Variants in SEMA6A observed in about 807,000 individuals in gnomAD.
SEMA6A encodes the protein semaphorin 6A.
In SEMA6A, 25 loss-of-function variants were observed where a neutral mutation model predicts 96.8. The ratio of observed to expected loss-of-function variants is 0.26; its 90% CI spans 0.19 to 0.36. The LOEUF (loss-of-function observed/expected upper bound fraction) is 0.36, where lower values mean the gene tolerates loss of function less well. Among genes scored for constraint, SEMA6A ranks in the 10% least tolerant of loss-of-function variants. The probability of loss-of-function intolerance (pLI) is 1.00; values close to 1 mark genes in which losing one functional copy is unlikely to be tolerated. For synonymous variants in SEMA6A, 612 were observed against 518.0 expected (o/e 1.18, Z -2.46); for missense variants, 1,363 against 1,323.1 (o/e 1.03, Z -0.47).
At chr5:116,475,775 G>A (rs911756785) in intron 15 of SEMA6A, among the ~76,000 whole-genome samples, 172 bp from the exon 16 acceptor site, 1 of 152,176 alleles carries the variant, frequency 6.6e-6, no homozygotes, top group African/African-American at 2.4e-5. Flanking sequence ...ATAGAAACGA[G>A]TCTTAGGTGA....
intron 3 of SEMA6A, among the ~76,000 whole-genome samples, chr5:116,500,465 G>C (rs889238037): frequency 6.6e-6 from 1 of 152,162 alleles, no homozygotes; most frequent in Non-Finnish European, 1.5e-5. Context: ...AGCTATGTTT[G>C]TGAATTGTAT....
Position 116,574,804 on chromosome 5 carries a change from GT to G in SEMA6A, c.-659del, listed in dbSNP as rs1240804579. ...GCGGAGTTGGCTGCAGCCTCACCCC[GT>G]GCCGCTCACTACTCCTCTGTCACCG... On this transcript the variant is annotated 5_prime_UTR_variant, in exon 1 of 19. Coordinates refer to ENST00000343348, the MANE Select transcript of SEMA6A (RefSeq NM_020796.5). 6.6e-6 allele frequency: 1 copy of G among 152,392 alleles called. No individual in the cohort carries two copies. The highest frequency in any genetic ancestry group is 2.4e-5 in the African/African-American group (1 of 41,464). The allele number at this position is 152,392 out of a possible 1,614,324, so 9.4% of individuals were successfully genotyped here.
At chr5:116,507,640 T>TGCAG (rs1758209999) in intron 1 of SEMA6A, among the ~76,000 whole-genome samples, 1 of 152,248 alleles carries the variant, frequency 6.6e-6, no homozygotes, top group Non-Finnish European at 1.5e-5. Context: ...TGCAAACATT[T>TGCAG]GTCGATTTCC....
chr5:116,515,637 C>G (rs1758634581), intron 1 of SEMA6A, among the ~76,000 whole-genome samples: 1 of 152,122 alleles, frequency 6.6e-6, no homozygotes, highest in Non-Finnish European at 1.5e-5. Context: ...TAAAATAAAG[C>G]AATTGCTGAA....
At chr5:116,502,611 G>A (rs893689354) in intron 2 of SEMA6A, 8 of 338,342 alleles carry the variant, frequency 2.4e-5, no homozygotes, top group Middle Eastern at 8.2e-4. Flanking sequence ...GGCTCAACTC[G>A]CTAGTGAACC....
chr5:116,562,987 G>T (rs1004078750), intron 1 of SEMA6A: 11 of 566,330 alleles, frequency 1.9e-5, no homozygotes, highest in Non-Finnish European at 3.7e-5. Flanking sequence ...CCGCAGGAAG[G>T]GGGGTCGCCG....
intron 1 of SEMA6A, among the ~76,000 whole-genome samples, chr5:116,560,949 G>A (rs1459492922): frequency 2.0e-5 from 3 of 152,094 alleles, no homozygotes; most frequent in African/African-American, 7.2e-5. Flanking sequence ...TATGTAATAG[G>A]AAAAATGTGA....
chr5:116,446,894 TG>T lies in SEMA6A; in HGVS notation c.2811del (p.Asn937LysfsTer45). 1.2e-6 allele frequency: 2 copies of T among 1,613,898 alleles called. No homozygotes were observed. Among genetic ancestry groups the T allele is most frequent in the Non-Finnish European group, 1.7e-6 (2 of 1,179,868 alleles). On this transcript the variant is annotated frameshift_variant, in exon 19 of 19. Transcript: ENST00000343348. LOFTEE classifies it high-confidence loss of function. ...TGAGAGGAATTGGAGGAGTTAGTGT[TG>T]TTTCTTTTGAGAGTGGTGGCCTGGT... Reference protein sequence around the residue: ...RSHQATTLKRNNTNSSNSSHL... With the variant: ...RSHQATTLKRXNTNSSNSSHL...
intron 17 of SEMA6A, chr5:116,468,786 G>C (rs1755927649): frequency 6.6e-6 from 1 of 152,118 alleles, no homozygotes; most frequent in Non-Finnish European, 1.5e-5. Flanking sequence ...ATTTTTAAAA[G>C]ATACAAGGGC....
intron 18 of SEMA6A, chr5:116,449,993 T>C (rs1464989037): frequency 6.6e-6 from 1 of 152,234 alleles, no homozygotes; most frequent in Non-Finnish European, 1.5e-5. Context: ...TTCAAATATA[T>C]TTTAGTACCT....
At chr5:116,463,156 G>A (rs1466467898) in intron 18 of SEMA6A, among the ~76,000 whole-genome samples, 1 of 152,180 alleles carries the variant, frequency 6.6e-6, no homozygotes, top group Admixed American at 6.5e-5. Context: ...AGTTTAGGGA[G>A]TTGTTAATGA....
intron 2 of SEMA6A, among the ~76,000 whole-genome samples, 161 bp downstream of exon 2, chr5:116,504,683 CA>C (rs1758057924): frequency 1.3e-5 from 2 of 152,340 alleles, no homozygotes. Context: ...ATAGAAAAAT[CA>C]TCCTATCAAT....
At chr5:116,459,288 C>T (rs1755220552) in intron 18 of SEMA6A, among the ~76,000 whole-genome samples, 2 of 152,176 alleles carry the variant, frequency 1.3e-5, no homozygotes, top group South Asian at 2.1e-4. Flanking sequence ...ATTTCCCAAA[C>T]TTATTGTGTA....
chr5:116,540,655 T>C (rs577883426), intron 1 of SEMA6A, among the ~76,000 whole-genome samples: 5 of 152,334 alleles, frequency 3.3e-5, no homozygotes, highest in Middle Eastern at 6.8e-3. Context: ...TAATCAAGCA[T>C]CCCTCATATT....
chr5:116,467,894 GGT>G, intron 17 of SEMA6A, 147 bp from the exon 18 acceptor site: 2 of 639,030 alleles, frequency 3.1e-6, no homozygotes, highest in South Asian at 2.0e-5. Flanking sequence ...TGGTGGTGGT[GGT>G]GGTGGTGGTG....
At chr5:116,570,435 G>C (rs556901186) in intron 1 of SEMA6A, among the ~76,000 whole-genome samples, 3 of 152,242 alleles carry the variant, frequency 2.0e-5, no homozygotes, top group Non-Finnish European at 4.4e-5. Flanking sequence ...ATAACACAAA[G>C]CTTCTATATA....
At chr5:116,486,518 A>C in intron 10 of SEMA6A, 1 of 497,292 alleles carries the variant, frequency 2.0e-6, no homozygotes, top group Non-Finnish European at 3.6e-6. Context: ...GGCTTATATA[A>C]ATAGAAGATA....
intron 18 of SEMA6A, among the ~76,000 whole-genome samples, chr5:116,448,339 C>A (rs1296714874): frequency 6.6e-6 from 1 of 151,774 alleles, no homozygotes; most frequent in African/African-American, 2.4e-5. Flanking sequence ...AGCGAGACTC[C>A]GTTTCAAAAA....
chr5:116,458,747 C>T (rs568571493), intron 18 of SEMA6A, among the ~76,000 whole-genome samples: 95 of 151,972 alleles, frequency 6.3e-4, no homozygotes, highest in Admixed American at 2.3e-3. Context: ...TTTCCTGCTA[C>T]CCTTTCCACA....
Sources: allele counts gnomAD v4.1 joint callset (sites outside exome capture counted in the v4.1 genomes callset), GRCh38; gene constraint gnomAD v4.1.1; transcripts MANE v1.5; gene names NCBI Gene and HGNC (gene_info 2026-07-23, HGNC 2026-07-21).